Variants in GYPB observed in about 807,000 individuals in gnomAD.
The protein encoded by GYPB is glycophorin B (MNS blood group), also known as glycophorin-B.
In GYPB, 13 loss-of-function variants were observed where a neutral mutation model predicts 15.3. The observed-to-expected ratio is 0.85, with a 90% confidence interval of 0.55 to 1.35. The LOEUF is 1.35. Ranked by LOEUF, GYPB falls within the 40% of genes most tolerant of loss-of-function variation. The pLI, the probability that GYPB is intolerant of heterozygous loss-of-function variation, is 0.00. For missense variants in GYPB, 131 were observed against 108.3 expected, an observed-to-expected ratio of 1.21 and a Z score of -0.93; for synonymous variants, 38 against 36.9, an observed-to-expected ratio of 1.03 and a Z score of -0.11.
intron 1 of GYPB, among the ~76,000 whole-genome samples, chr4:144,010,200 A>C (rs1037904104): frequency 2.0e-5 from 3 of 151,348 alleles, no homozygotes; most frequent in African/African-American, 7.4e-5. Flanking sequence ...GTGGTGGCTC[A>C]TGCCTGTAAA....
At chr4:143,998,383 C>A (rs769968884) in intron 3 of GYPB, among the ~76,000 whole-genome samples, 6 of 151,404 alleles carry the variant, frequency 4.0e-5, no homozygotes, top group Non-Finnish European at 8.8e-5. Context: ...GGTAAAATGG[C>A]TCATTTATTT....
In GYPB at chr4:144,004,176, T is replaced by C. The variant is rs372339690; in HGVS notation, c.38-2893A>G. On this transcript the variant is annotated intron_variant, in intron 1 of 4. Coordinates refer to ENST00000502664, the MANE Select transcript of GYPB (RefSeq NM_002100.6). ...TCAGTTGCTCTGATACAACTTCTTA[T>C]AGTCACCTAAATCAACACAGTAAGA... Among the ~76,000 whole-genome samples, 5 of 151,964 alleles carry C rather than the reference T, an allele frequency of 3.3e-5. No homozygotes were observed. In the East Asian group the frequency reaches 5.8e-4, roughly 18 times the overall value.
chr4:144,003,597 T>A (rs1727733418), intron 1 of GYPB, among the ~76,000 whole-genome samples: 2 of 151,562 alleles, frequency 1.3e-5, no homozygotes, highest in Admixed American at 6.6e-5. Context: ...GTATTTTAAA[T>A]TTTTAAGCAA....
chr4:144,002,078 A>G (rs1727659032), intron 1 of GYPB, among the ~76,000 whole-genome samples: 1 of 151,052 alleles, frequency 6.6e-6, no homozygotes, highest in Non-Finnish European at 1.5e-5. Context: ...TTTTGTAATT[A>G]AACACTTTTT....
intron 1 of GYPB, among the ~76,000 whole-genome samples, chr4:144,015,427 A>G (rs572988990): frequency 7.3e-5 from 11 of 151,524 alleles, no homozygotes; most frequent in African/African-American, 1.2e-4. Flanking sequence ...TGTCAGCACC[A>G]TATAAGTATG....
chr4:144,016,704 T>A (rs1007089729), intron 1 of GYPB: 3 of 343,802 alleles, frequency 8.7e-6, no homozygotes, highest in Non-Finnish European at 1.7e-5. Context: ...AATTTCCTAG[T>A]TGAAGTGATA....
At chr4:144,008,039 T>C (rs1046559019) in intron 1 of GYPB, among the ~76,000 whole-genome samples, 2 of 151,566 alleles carry the variant, frequency 1.3e-5, no homozygotes, top group African/African-American at 2.4e-5. Flanking sequence ...CACACTTACT[T>C]CATTCCACAC....
chr4:144,019,137 A>G, intron 1 of GYPB, 114 bp downstream of exon 1: 2 of 1,510,328 alleles, frequency 1.3e-6, no homozygotes, highest in Non-Finnish European at 1.8e-6. Flanking sequence ...TGGAAGAGGA[A>G]ATACTACTCA....
Position 143,999,450 on chromosome 4 carries a change from C to CTATAAAGCAAAATTTCAATG in GYPB, c.137-21_137-2dup. On this transcript the variant is annotated splice_acceptor_variant, in intron 2 of 4. Coordinates refer to ENST00000502664, the MANE Select transcript of GYPB (RefSeq NM_002100.6). LOFTEE classifies it high-confidence loss of function. ...CGATGGACAAGTTGTCCCGTTTCTCCTATAAAGCAAAATTTCAATGTAAGT... is the reference window on the plus strand; with the variant it reads ...CGATGGACAAGTTGTCCCGTTTCTCCTATAAAGCAAAATTTCAATGTATAAAGCAAAATTTCAATGTAAGT... The CTATAAAGCAAAATTTCAATG allele has an allele frequency of 6.7e-7, 1 of 1,482,286 alleles. No individual in the cohort carries two copies. Among genetic ancestry groups the CTATAAAGCAAAATTTCAATG allele is most frequent in the Non-Finnish European group, 9.4e-7 (1 of 1,066,452 alleles). 91.8% of individuals were successfully genotyped at this position (1,482,286 alleles called of 1,614,324 possible).
At chr4:143,995,997 G>A (rs1187097106), downstream of GYPB, 22 of 456,848 alleles carry the variant, frequency 4.8e-5, no homozygotes, top group Admixed American at 3.2e-4. Flanking sequence ...CATGTTCTCC[G>A]CTGTTGGCTT....
At chr4:144,013,179 C>A (rs1373321204) in intron 1 of GYPB, among the ~76,000 whole-genome samples, 1 of 151,300 alleles carries the variant, frequency 6.6e-6, no homozygotes, top group East Asian at 1.9e-4. Context: ...TGCTCATCAT[C>A]ACTGGCCATC....
chr4:144,014,163 G>A (rs1728370632), intron 1 of GYPB, among the ~76,000 whole-genome samples: 1 of 151,858 alleles, frequency 6.6e-6, no homozygotes, highest in East Asian at 1.9e-4. Flanking sequence ...AGGTAAAAAG[G>A]TGCAGCTCCT....
chr4:144,013,865 T>C (rs534553044), intron 1 of GYPB, among the ~76,000 whole-genome samples: 2 of 150,754 alleles, frequency 1.3e-5, no homozygotes, highest in South Asian at 4.1e-4. Flanking sequence ...GGCACATGTA[T>C]ACATATGTAA....
intron 1 of GYPB, among the ~76,000 whole-genome samples, chr4:144,011,369 G>A (rs1374739583): frequency 6.6e-6 from 1 of 151,338 alleles, no homozygotes; most frequent in Non-Finnish European, 1.5e-5. Context: ...GACAGAACGA[G>A]ACTCCATCTT....
chr4:143,996,490 G>A (rs1727318601), intron 4 of GYPB, among the ~76,000 whole-genome samples, 186 bp from the exon 5 acceptor site: 1 of 151,164 alleles, frequency 6.6e-6, no homozygotes, highest in Non-Finnish European at 1.5e-5. Flanking sequence ...TTAGGGCCGG[G>A]CGCAGTGGCT....
intron 2 of GYPB, among the ~76,000 whole-genome samples, chr4:143,999,762 G>A (rs1200596374): frequency 6.6e-6 from 1 of 151,468 alleles, no homozygotes; most frequent in African/African-American, 2.5e-5. Context: ...AAGAAGCAAT[G>A]CATTTTTAAA....
downstream of GYPB, among the ~76,000 whole-genome samples, chr4:143,995,306 A>G (rs1170718916): frequency 6.6e-6 from 1 of 151,468 alleles, no homozygotes; most frequent in Non-Finnish European, 1.5e-5. Flanking sequence ...GATGTTGAAC[A>G]TAGCAGATTT....
At chr4:144,012,447 T>C (rs1728263834) in intron 1 of GYPB, 1 of 151,552 alleles carries the variant, frequency 6.6e-6, no homozygotes, top group Admixed American at 6.6e-5. Context: ...AAAATGCGCA[T>C]AATTTTTTTG....
intron 1 of GYPB, among the ~76,000 whole-genome samples, chr4:144,001,834 A>G (rs1727641305): frequency 6.6e-6 from 1 of 150,956 alleles, no homozygotes; most frequent in South Asian, 2.1e-4. Flanking sequence ...GCTAGGGACA[A>G]TCTTACTTCT....
Sources: allele counts gnomAD v4.1 joint callset (sites outside exome capture counted in the v4.1 genomes callset), GRCh38; gene constraint gnomAD v4.1.1; transcripts MANE v1.5; gene names NCBI Gene and HGNC (gene_info 2026-07-23, HGNC 2026-07-21).